Variants in COPB1 observed in about 807,000 individuals in gnomAD.
The protein encoded by COPB1 is coat protein complex I subunit beta 1.
In COPB1, 21 loss-of-function variants were observed where a neutral mutation model predicts 108.7. The observed-to-expected ratio is 0.19, with a 90% confidence interval of 0.14 to 0.28. COPB1 has a LOEUF of 0.28. COPB1 is among the 10% of genes least tolerant of loss of function. COPB1 has a pLI of 1.00. For synonymous variants in COPB1, 378 were observed against 386.8 expected, an observed-to-expected ratio of 0.98 and a Z score of 0.27; for missense variants, 919 against 1,141.3, an observed-to-expected ratio of 0.81 and a Z score of 2.81.
rs1310881019 is a variant in COPB1 at position 14,482,078 on chromosome 11, CACCA to C, written c.957+950_957+953del. ...AAGTGCTGCGATTTTAGGCATGAGC[CACCA>C]CACCTGGCCCACATTTGCTCTTTAC... is the stretch of plus-strand genomic sequence containing the variant. On this transcript the variant is annotated intron_variant, in intron 8 of 21. Transcript: ENST00000439561. 7.2e-5 allele frequency among the ~76,000 whole-genome samples: 11 copies of C among 152,154 alleles called. No individual in the cohort carries two copies. In the South Asian group the frequency reaches 2.3e-3, roughly 32 times the overall value.
Position 14,490,642 on chromosome 11 carries a change from T to C in COPB1, c.529A>G (p.Ile177Val). ...EHLIPDAPEL[I>V]HDFLVNEKDA... ...TTCTCATTCACCAGAAAATCATGTA[T>C]CAGTTCAGGAGCATCAGGTATAAGA... The change falls in exon 5 of 22, where the codon ATA becomes GTA. Residue 177 changes from isoleucine to valine, a missense_variant. Ile to Val is a conservative substitution (Grantham distance 29, BLOSUM62 3). Transcript: ENST00000439561. The C allele has an allele frequency of 1.2e-6, 2 of 1,613,022 alleles. No homozygotes were observed. The highest frequency in any genetic ancestry group is 1.7e-6 in the Non-Finnish European group (2 of 1,179,530).
At chr11:14,472,548 T>A (rs995223266) in intron 14 of COPB1, among the ~76,000 whole-genome samples, 3 of 152,230 alleles carry the variant, frequency 2.0e-5, no homozygotes, top group Admixed American at 1.3e-4. Context: ...GCCTATCCTT[T>A]GAAGCTTTGA....
chr11:14,479,530 G>A (rs756408881), intron 11 of COPB1, 39 bp downstream of exon 11: 2 of 1,557,784 alleles, frequency 1.3e-6, no homozygotes, highest in Non-Finnish European at 1.7e-6. Context: ...CTGATAAAAT[G>A]CTTACTTGAC....
At position 14,479,733 on chromosome 11, in the gene COPB1, A is replaced by G. The variant is rs755171816; in HGVS notation, c.1213-19T>C. The G allele has an allele frequency of 2.7e-5, 42 of 1,553,180 alleles. No individual in the cohort carries two copies. The Middle Eastern group carries it at 6.9e-4, about 26-fold the overall frequency. ...CCATTAACTAAAAGAAAAAAAAAAA[A>G]AAGAAAATGGAACTAACAATTTTCG... is the stretch of plus-strand genomic sequence containing the variant. On this transcript the variant is annotated intron_variant, in intron 10 of 21. Coordinates refer to ENST00000439561, the MANE Select transcript of COPB1 (RefSeq NM_001144061.2).
At chr11:14,472,509 G>C (rs1850431198) in intron 14 of COPB1, among the ~76,000 whole-genome samples, 1 of 152,182 alleles carries the variant, frequency 6.6e-6, no homozygotes, top group African/African-American at 2.4e-5. Flanking sequence ...TTAAGTTACT[G>C]GTTGTATTAG....
chr11:14,486,252 G>T (rs1850771407), intron 7 of COPB1, 115 bp downstream of exon 7: 3 of 1,218,172 alleles, frequency 2.5e-6, no homozygotes, highest in African/African-American at 1.5e-5. Context: ...TTATAAGTTT[G>T]TAGTTATTCT....
At chr11:14,467,416 G>A (rs989720504) in intron 16 of COPB1, among the ~76,000 whole-genome samples, 3 of 152,068 alleles carry the variant, frequency 2.0e-5, no homozygotes, top group Non-Finnish European at 4.4e-5. Context: ...TGGAGAAATT[G>A]GAACTCTTGT....
chr11:14,493,473 C>T (rs1428727171), intron 4 of COPB1, among the ~76,000 whole-genome samples, 169 bp downstream of exon 4: 1 of 152,166 alleles, frequency 6.6e-6, no homozygotes, highest in East Asian at 1.9e-4. Flanking sequence ...CTAGGAACAG[C>T]GCTGCCAGAT....
Position 14,493,683 on chromosome 11 carries a change from A to G in COPB1, c.450T>C (p.Tyr150=), listed in dbSNP as rs766523208. The G allele has an allele frequency of 1.9e-6, 3 of 1,613,112 alleles. No homozygotes were observed. The highest frequency in any genetic ancestry group is 1.7e-5 in the Admixed American group (1 of 59,776). The change falls in exon 4 of 22, where the codon TAT becomes TAC. Residue 150 remains tyrosine, a synonymous_variant. Coordinates refer to ENST00000439561, the MANE Select transcript of COPB1 (RefSeq NM_001144061.2). ...TGGCCAAAACAGCATTTCTTCTAAC[A>G]TAGCTGTGTCGATGCTCCAAACATG... ...IRACLEHRHS[Y]VRRNAVLAIY...
chr11:14,490,135 A>T lies in COPB1; in HGVS notation c.606+430T>A, dbSNP rs139108552. Among the ~76,000 whole-genome samples the T allele has an allele frequency of 3.6e-3, 543 of 152,346 alleles. 4 individuals are homozygous for T. The highest frequency in any genetic ancestry group is 0.012 in the African/African-American group (504 of 41,568). ...TAACCACCAGCAGAGCAGGATGTGG[A>T]GTTGGCACCCGTGTATGAAAGTTGA... On this transcript the variant is annotated intron_variant, in intron 5 of 21. Coordinates refer to ENST00000439561, the MANE Select transcript of COPB1 (RefSeq NM_001144061.2).
At chr11:14,474,002 T>A (rs1236214739) in intron 14 of COPB1, 42 of 152,388 alleles carry the variant, frequency 2.8e-4, no homozygotes, top group Admixed American at 2.6e-3. Context: ...GTTGGTTGAA[T>A]CTGCAGGTGC....
chr11:14,474,621 A>G lies in COPB1; in HGVS notation c.1617-6T>C. On this transcript the variant is annotated splice_polypyrimidine_tract_variant and splice_region_variant and intron_variant, in intron 13 of 21. Coordinates refer to ENST00000439561, the MANE Select transcript of COPB1 (RefSeq NM_001144061.2). ...GGAATCCTCTCAAGGGAGGTCTGCA[A>G]AGCAACCAAGGAAAATCAAACCCAC... 1 of 1,612,894 alleles carries G rather than the reference A, an allele frequency of 6.2e-7. No individual in the cohort carries two copies. Among genetic ancestry groups the G allele is most frequent in the Non-Finnish European group, 8.5e-7 (1 of 1,179,562 alleles).
intron 7 of COPB1, 77 bp from the exon 8 acceptor site, chr11:14,483,228 CCACACACACACACA>C (rs3217599): frequency 1.5e-4 from 75 of 503,778 alleles, no homozygotes; most frequent in Non-Finnish European, 2.2e-4. Flanking sequence ...CGCGCGCACA[CCACACACACACACA>C]CACACACACA....
chr11:14,465,707 C>A (rs140944686), intron 17 of COPB1, among the ~76,000 whole-genome samples: 2 of 152,244 alleles, frequency 1.3e-5, no homozygotes, highest in Non-Finnish European at 2.9e-5. Context: ...ATGTTTTCCC[C>A]TTGATATCTT....
intron 2 of COPB1, among the ~76,000 whole-genome samples, chr11:14,496,055 C>T (rs1304569775): frequency 6.6e-6 from 1 of 152,078 alleles, no homozygotes; most frequent in Admixed American, 6.5e-5. Flanking sequence ...GGAGGTATTC[C>T]ATTACTGCTG....
chr11:14,485,281 C>T (rs1216319442), intron 7 of COPB1, among the ~76,000 whole-genome samples: 1 of 152,050 alleles, frequency 6.6e-6, no homozygotes, highest in African/African-American at 2.4e-5. Context: ...CTTGGCCTCC[C>T]AAAGTACTGG....
At chr11:14,487,511 C>A (rs1218849932) in intron 6 of COPB1, among the ~76,000 whole-genome samples, 2 of 151,960 alleles carry the variant, frequency 1.3e-5, no homozygotes, top group Non-Finnish European at 2.9e-5. Flanking sequence ...CCCGTCTCTA[C>A]TAAAAATACA....
chr11:14,487,818 T>C (rs1012568628), intron 6 of COPB1, among the ~76,000 whole-genome samples: 6 of 152,218 alleles, frequency 3.9e-5, no homozygotes, highest in Admixed American at 1.3e-4. Context: ...TATAATCAGT[T>C]AGTAATGTCT....
intron 20 of COPB1, 144 bp from the exon 21 acceptor site, chr11:14,458,831 G>C: frequency 1.5e-6 from 1 of 661,856 alleles, no homozygotes; most frequent in Non-Finnish European, 2.4e-6. Flanking sequence ...GTGCAGTGGC[G>C]TGATCTCGGC....
Sources: allele counts gnomAD v4.1 joint callset (sites outside exome capture counted in the v4.1 genomes callset), GRCh38; gene constraint gnomAD v4.1.1; transcripts MANE v1.5; gene names NCBI Gene and HGNC (gene_info 2026-07-23, HGNC 2026-07-21).